Variants in TENM3 observed in about 807,000 individuals in gnomAD.
TENM3 encodes the protein teneurin transmembrane protein 3, also known as teneurin-3.
Under a neutral mutation model 255.1 loss-of-function variants are expected in TENM3, and 63 were observed. The ratio of observed to expected loss-of-function variants is 0.25; its 90% CI spans 0.20 to 0.30. The LOEUF is 0.30. Ranked by LOEUF, TENM3 falls within the 10% of genes least tolerant of loss-of-function variation. TENM3 has a pLI of 1.00. For missense variants in TENM3, 2,929 were observed against 3,461.1 expected, an observed-to-expected ratio of 0.85 and a Z score of 3.86; for synonymous variants, 1,306 against 1,322.3, an observed-to-expected ratio of 0.99 and a Z score of 0.27.
At chr4:182,598,376 G>A (rs1747488153) in intron 3 of TENM3, among the ~76,000 whole-genome samples, 1 of 152,140 alleles carries the variant, frequency 6.6e-6, no homozygotes, top group Admixed American at 6.5e-5. Flanking sequence ...GCACTAGCCT[G>A]GGCAGACCAT....
chr4:181,926,671 G>T, the TENM3 span, among the ~76,000 whole-genome samples: 1 of 151,950 alleles, frequency 6.6e-6, no homozygotes, highest in South Asian at 2.1e-4. Context: ...AAAAATAATT[G>T]CTTATAACTT....
At chr4:181,452,288 T>C in the TENM3 span, among the ~76,000 whole-genome samples, 2 of 152,044 alleles carry the variant, frequency 1.3e-5, no homozygotes, top group African/African-American at 4.8e-5. Context: ...GTATGGGAAA[T>C]TGTGAAGTAA....
chr4:181,858,068 T>G, the TENM3 span, among the ~76,000 whole-genome samples: 5 of 152,218 alleles, frequency 3.3e-5, no homozygotes, highest in African/African-American at 7.2e-5. Context: ...TTTAAATAAC[T>G]ATTCACATGT....
At chr4:182,388,372 C>T (rs1768154580) in intron 3 of TENM3, among the ~76,000 whole-genome samples, 2 of 152,180 alleles carry the variant, frequency 1.3e-5, no homozygotes, top group African/African-American at 4.8e-5. Flanking sequence ...ATATAATAAA[C>T]ATTTAATGTA....
chr4:182,276,329 G>A lies in TENM3; in HGVS notation c.-76+32853G>A, dbSNP rs144338257. On this transcript the variant is annotated intron_variant, in intron 1 of 27. Coordinates refer to ENST00000511685, the MANE Select transcript of TENM3 (RefSeq NM_001080477.4). ...AATAGAATTCAAGTCAACTTAAACGGTTATCAGGTAACCATACATGACATC... is the reference window on the plus strand; with the variant it reads ...AATAGAATTCAAGTCAACTTAAACGATTATCAGGTAACCATACATGACATC... Among the ~76,000 whole-genome samples the A allele has an allele frequency of 1.9e-3, 288 of 152,272 alleles. 4 individuals are homozygous for A. The Middle Eastern group carries it at 0.02, about 11-fold the overall frequency.
At chr4:181,604,392 G>A in the TENM3 span, among the ~76,000 whole-genome samples, 1 of 152,208 alleles carries the variant, frequency 6.6e-6, no homozygotes, top group Non-Finnish European at 1.5e-5. Flanking sequence ...GCTTGCATTT[G>A]GAGAACAAAA....
chr4:182,662,388 A>G (rs1386977439), intron 6 of TENM3, among the ~76,000 whole-genome samples: 2 of 152,190 alleles, frequency 1.3e-5, no homozygotes, highest in Non-Finnish European at 2.9e-5. Flanking sequence ...ATGATACCCT[A>G]TTGTGTTTGA....
chr4:181,482,354 C>T, the TENM3 span, among the ~76,000 whole-genome samples: 1 of 152,064 alleles, frequency 6.6e-6, no homozygotes, highest in Non-Finnish European at 1.5e-5. Flanking sequence ...ACTTCCACAA[C>T]CTGTAAATAT....
At chr4:181,556,134 G>T in the TENM3 span, among the ~76,000 whole-genome samples, 1 of 152,176 alleles carries the variant, frequency 6.6e-6, no homozygotes, top group Non-Finnish European at 1.5e-5. Flanking sequence ...AGTGGAATTT[G>T]CATTGCCAAC....
At chr4:181,915,428 A>G in the TENM3 span, among the ~76,000 whole-genome samples, 2 of 152,174 alleles carry the variant, frequency 1.3e-5, no homozygotes, top group African/African-American at 4.8e-5. Context: ...TAAGAATCAG[A>G]CATAGTCCTT....
chr4:182,075,200 C>CTTTTTTTTT, the TENM3 span, among the ~76,000 whole-genome samples: 1 of 128,194 alleles, frequency 7.8e-6, no homozygotes, highest in Non-Finnish European at 1.6e-5. Context: ...TGTTTTTTTT[C>CTTTTTTTTT]TTTTTTTTTT....
chr4:182,635,189 T>A (rs1183108406), intron 5 of TENM3, among the ~76,000 whole-genome samples: 2 of 152,232 alleles, frequency 1.3e-5, no homozygotes, highest in Non-Finnish European at 2.9e-5. Flanking sequence ...GGTGGTATAT[T>A]TTCTCAATTA....
At chr4:182,646,179 T>C (rs1051975614) in intron 5 of TENM3, among the ~76,000 whole-genome samples, 4 of 152,200 alleles carry the variant, frequency 2.6e-5, no homozygotes, top group African/African-American at 9.7e-5. Context: ...CCACATTTCT[T>C]TATCTGAAGC....
the TENM3 span, among the ~76,000 whole-genome samples, chr4:181,725,914 T>C: frequency 6.6e-6 from 1 of 152,158 alleles, no homozygotes; most frequent in African/African-American, 2.4e-5. Flanking sequence ...AAAAGCTTAA[T>C]ATCTTGAATG....
At chr4:182,157,979 C>G (rs1750827812) in intron 1 of TENM3, among the ~76,000 whole-genome samples, 1 of 151,954 alleles carries the variant, frequency 6.6e-6, no homozygotes, top group Admixed American at 6.6e-5. Context: ...CTTTTTTTCC[C>G]CATTTTTGAA....
At chr4:182,301,251 C>T (rs10014354) in intron 1 of TENM3, among the ~76,000 whole-genome samples, 3,143 of 152,290 alleles carry the variant, frequency 0.021, 115 homozygotes, top group African/African-American at 0.071. Flanking sequence ...CACCCCTCTA[C>T]GTGCCCCTGA....
chr4:182,263,016 A>G (rs1356313410), intron 1 of TENM3, among the ~76,000 whole-genome samples: 3 of 151,362 alleles, frequency 2.0e-5, no homozygotes, highest in Non-Finnish European at 2.9e-5. Flanking sequence ...TGCACTGTGG[A>G]CTCGCCCTGA....
chr4:181,744,435 A>G, the TENM3 span, among the ~76,000 whole-genome samples: 1 of 151,918 alleles, frequency 6.6e-6, no homozygotes, highest in Non-Finnish European at 1.5e-5. Context: ...ATTAATTTAC[A>G]CTCCCACCAA....
At chr4:182,341,095 A>G (rs1764459690) in intron 2 of TENM3, among the ~76,000 whole-genome samples, 1 of 152,182 alleles carries the variant, frequency 6.6e-6, no homozygotes, top group Non-Finnish European at 1.5e-5. Context: ...TCTTTACAAT[A>G]AACGAGGAAG....
Sources: allele counts gnomAD v4.1 joint callset (sites outside exome capture counted in the v4.1 genomes callset), GRCh38; gene constraint gnomAD v4.1.1; transcripts MANE v1.5; gene names NCBI Gene and HGNC (gene_info 2026-07-23, HGNC 2026-07-21).